Variants in DPP6 observed in about 807,000 individuals in gnomAD.
DPP6 encodes the protein dipeptidyl peptidase like 6.
DPP6 carries 69 observed loss-of-function variants against 122.6 expected under a neutral mutation model. That is an observed-to-expected ratio of 0.56 (90% CI 0.46 to 0.69). DPP6 has a LOEUF of 0.69. Among genes scored for constraint, DPP6 ranks in the 30% least tolerant of loss-of-function variants. The pLI, the probability that DPP6 is intolerant of heterozygous loss-of-function variation, is 0.00. For missense variants in DPP6, 928 were observed against 1,116.9 expected (o/e 0.83, Z 2.41); for synonymous variants, 418 against 433.1 (o/e 0.97, Z 0.43).
chr7:154,177,030 C>G (rs115529206), intron 1 of DPP6, among the ~76,000 whole-genome samples: 1 of 151,900 alleles, frequency 6.6e-6, no homozygotes, highest in Non-Finnish European at 1.5e-5. Context: ...GATGGAGTCT[C>G]GTCATGTTGC....
intron 1 of DPP6, among the ~76,000 whole-genome samples, chr7:154,443,948 C>A (rs1391449325): frequency 6.6e-6 from 1 of 152,154 alleles, no homozygotes; most frequent in Non-Finnish European, 1.5e-5. Flanking sequence ...AACCTAGTGA[C>A]TTCTCTTGAC....
At chr7:154,250,001 T>A (rs557971702) in intron 1 of DPP6, among the ~76,000 whole-genome samples, 10 of 152,274 alleles carry the variant, frequency 6.6e-5, no homozygotes, top group African/African-American at 2.4e-4. Context: ...CCTAATCGGT[T>A]ATGTTATCTA....
At chr7:154,514,545 C>G (rs1444504074) in intron 3 of DPP6, among the ~76,000 whole-genome samples, 1 of 152,120 alleles carries the variant, frequency 6.6e-6, no homozygotes, top group Non-Finnish European at 1.5e-5. Flanking sequence ...AAAACTAACT[C>G]CCCATTCCCC....
chr7:153,936,319 G>A (rs1048344537), intron 1 of DPP6, among the ~76,000 whole-genome samples: 19 of 152,160 alleles, frequency 1.2e-4, no homozygotes, highest in Non-Finnish European at 1.9e-4. Flanking sequence ...CAGGAGCTGA[G>A]GAACTGAAGA....
At chr7:154,226,054 A>C (rs1417135201) in intron 1 of DPP6, among the ~76,000 whole-genome samples, 1 of 152,158 alleles carries the variant, frequency 6.6e-6, no homozygotes, top group African/African-American at 2.4e-5. Context: ...CTCTCTATTA[A>C]ATGCATTTCC....
At chr7:154,885,944 A>C (rs951654303) in intron 22 of DPP6, among the ~76,000 whole-genome samples, 200 bp downstream of exon 22, 2 of 152,236 alleles carry the variant, frequency 1.3e-5, no homozygotes, top group Non-Finnish European at 2.9e-5. Context: ...TTTGAATGAA[A>C]GTGGTCAATC....
intron 1 of DPP6, among the ~76,000 whole-genome samples, chr7:154,426,734 G>T (rs879909057): frequency 6.7e-6 from 1 of 150,084 alleles, no homozygotes; most frequent in East Asian, 2.0e-4. Flanking sequence ...AGGATGTGTT[G>T]GAATGACATA....
chr7:153,904,270 TC>T (rs1201151659), intron 1 of DPP6, among the ~76,000 whole-genome samples: 1 of 152,220 alleles, frequency 6.6e-6, no homozygotes, highest in Non-Finnish European at 1.5e-5. Flanking sequence ...CAGGCTGGTC[TC>T]GAACTCCTGA....
upstream of DPP6, among the ~76,000 whole-genome samples, chr7:153,883,412 C>T (rs541735888): frequency 2.4e-4 from 36 of 149,692 alleles, no homozygotes; most frequent in South Asian, 4.2e-4. Flanking sequence ...GACAGAGTTT[C>T]GCTCTTGTTG....
At chr7:154,551,453 C>T (rs948582693) in intron 4 of DPP6, among the ~76,000 whole-genome samples, 3 of 152,118 alleles carry the variant, frequency 2.0e-5, no homozygotes, top group African/African-American at 7.2e-5. Context: ...CTTTTCTAAA[C>T]ATTTATCTTT....
At chr7:154,429,846 G>A (rs951320219) in intron 1 of DPP6, among the ~76,000 whole-genome samples, 11 of 152,110 alleles carry the variant, frequency 7.2e-5, no homozygotes, top group African/African-American at 2.4e-4. Flanking sequence ...TGCAGGTCGC[G>A]CTCGTCACAG....
intron 1 of DPP6, among the ~76,000 whole-genome samples, chr7:153,936,702 T>G (rs373620576): frequency 2.0e-5 from 3 of 151,580 alleles, no homozygotes; most frequent in East Asian, 1.9e-4. Flanking sequence ...TCCCAGCTAC[T>G]CGGGAGGCTG....
chr7:154,693,945 C>G (rs569481590), intron 7 of DPP6, among the ~76,000 whole-genome samples: 1 of 152,282 alleles, frequency 6.6e-6, no homozygotes, highest in African/African-American at 2.4e-5. Flanking sequence ...GCAGATGTCT[C>G]CATCTGTTAT....
At chr7:154,423,854 A>G (rs1817679522) in intron 1 of DPP6, among the ~76,000 whole-genome samples, 1 of 152,226 alleles carries the variant, frequency 6.6e-6, no homozygotes, top group Non-Finnish European at 1.5e-5. Context: ...AAATTTTGGA[A>G]AGAACTATTG....
intron 1 of DPP6, among the ~76,000 whole-genome samples, chr7:154,087,264 C>G (rs1804492672): frequency 1.3e-5 from 2 of 151,972 alleles, no homozygotes; most frequent in Non-Finnish European, 2.9e-5. Flanking sequence ...TGAAGCTGAG[C>G]AGGTGTCAGC....
chr7:153,909,811 C>T (rs904778458), intron 1 of DPP6, among the ~76,000 whole-genome samples: 1 of 152,120 alleles, frequency 6.6e-6, no homozygotes, highest in Non-Finnish European at 1.5e-5. Flanking sequence ...CCAGAGGGGA[C>T]ACAATTGTCA....
chr7:153,772,501 A>G, the DPP6 span, among the ~76,000 whole-genome samples: 4 of 152,238 alleles, frequency 2.6e-5, no homozygotes, highest in Non-Finnish European at 5.9e-5. Context: ...TTGATAAAAG[A>G]GATAAAATGA....
chr7:154,249,384 G>A (rs944112426), intron 1 of DPP6, among the ~76,000 whole-genome samples: 17 of 152,242 alleles, frequency 1.1e-4, no homozygotes, highest in South Asian at 6.2e-4. Flanking sequence ...TAATTAACCC[G>A]GAGAAACTAT....
At chr7:153,787,014 C>T in the DPP6 span, among the ~76,000 whole-genome samples, 7 of 146,914 alleles carry the variant, frequency 4.8e-5, no homozygotes, top group East Asian at 6.0e-4. Flanking sequence ...TGCAGTGGTG[C>T]GATCTCAGTT....
Sources: allele counts gnomAD v4.1 joint callset (sites outside exome capture counted in the v4.1 genomes callset), GRCh38; gene constraint gnomAD v4.1.1; transcripts MANE v1.5; gene names NCBI Gene and HGNC (gene_info 2026-07-23, HGNC 2026-07-21).